Variants in MYO5B observed in about 807,000 individuals in gnomAD.
The protein encoded by MYO5B is unconventional myosin-Vb.
MYO5B carries 143 observed loss-of-function variants against 229.3 expected under a neutral mutation model. The ratio of observed to expected loss-of-function variants is 0.62; its 90% CI spans 0.54 to 0.72. The LOEUF (loss-of-function observed/expected upper bound fraction) is 0.72, where lower values mean the gene tolerates loss of function less well. Ranked by LOEUF, MYO5B falls within the 30% of genes least tolerant of loss-of-function variation. The pLI, the probability that MYO5B is intolerant of heterozygous loss-of-function variation, is 0.00. For missense variants in MYO5B, 2,321 were observed against 2,331.0 expected (o/e 1.00, Z 0.09); for synonymous variants, 918 against 885.2 (o/e 1.04, Z -0.66).
At chr18:50,152,816 G>T (rs906054311) in intron 1 of MYO5B, among the ~76,000 whole-genome samples, 1 of 138,530 alleles carries the variant, frequency 7.2e-6, no homozygotes, top group Non-Finnish European at 1.5e-5. Flanking sequence ...AACTATGATT[G>T]TATATTTTTT....
At chr18:50,049,024 G>GAAAAAA (rs33975553) in intron 2 of MYO5B, among the ~76,000 whole-genome samples, 1 of 126,602 alleles carries the variant, frequency 7.9e-6, no homozygotes, top group Non-Finnish European at 1.7e-5. Flanking sequence ...TCCATCTCAG[G>GAAAAAA]AAAAAAAAAA....
At chr18:50,166,072 A>G (rs1158593189) in intron 1 of MYO5B, among the ~76,000 whole-genome samples, 2 of 152,268 alleles carry the variant, frequency 1.3e-5, no homozygotes, top group East Asian at 3.9e-4. Context: ...TTTTTCAGCA[A>G]CCAGAAAAGT....
chr18:50,167,592 A>C (rs1164119181), intron 1 of MYO5B, among the ~76,000 whole-genome samples: 1 of 152,180 alleles, frequency 6.6e-6, no homozygotes, highest in African/African-American at 2.4e-5. Flanking sequence ...GACTCCATGA[A>C]AGGTCATGGA....
In MYO5B at chr18:49,980,557, G is replaced by C. The variant is rs1412751741; in HGVS notation, c.947-4C>G. ...ATCTGATGGGACTCTTTCACTCCTG[G>C]AAAAGAAAAATGAATGGATGACACT... On this transcript the variant is annotated splice_region_variant and splice_polypyrimidine_tract_variant and intron_variant, in intron 8 of 39. Coordinates refer to ENST00000285039, the MANE Select transcript of MYO5B (RefSeq NM_001080467.3). The C allele has an allele frequency of 2.5e-6, 4 of 1,592,108 alleles. No individual in the cohort carries two copies. The highest frequency in any genetic ancestry group is 1.3e-5 in the African/African-American group (1 of 74,382).
chr18:49,975,497 C>G lies in MYO5B; in HGVS notation c.1057-882G>C, dbSNP rs1437736336. On this transcript the variant is annotated intron_variant, in intron 9 of 39. Coordinates refer to ENST00000285039, the MANE Select transcript of MYO5B (RefSeq NM_001080467.3). ...TGCTTCCAAGCAGGCTCGCTTTCTT[C>G]TTAGCCTCATTGATGCTAAAATCAT... Among the ~76,000 whole-genome samples the G allele has an allele frequency of 2.6e-5, 4 of 152,168 alleles. 1 individual carries two copies. In the South Asian group the frequency reaches 8.3e-4, roughly 32 times the overall value.
chr18:50,091,872 G>A (rs947640512), intron 1 of MYO5B, among the ~76,000 whole-genome samples: 3 of 152,092 alleles, frequency 2.0e-5, no homozygotes, highest in Admixed American at 6.5e-5. Flanking sequence ...AATGGCACTA[G>A]AAAAGCCAAG....
In MYO5B at chr18:49,825,233, C is replaced by T. The variant is rs1167030727; in HGVS notation, c.*1238G>A. 2.0e-5 allele frequency: 3 copies of T among 151,918 alleles called. No homozygotes were observed. The highest frequency in any genetic ancestry group is 2.9e-5 in the Non-Finnish European group (2 of 67,988). The allele number at this position is 151,918 out of a possible 1,614,324, so 9.4% of individuals were successfully genotyped here. ...AATTGAATGCTTGCTTTTGAAGAAA[C>T]CAAAAACAAGTTAAAAAAAATTCTA... On this transcript the variant is annotated 3_prime_UTR_variant, in exon 40 of 40. Coordinates refer to ENST00000285039, the MANE Select transcript of MYO5B (RefSeq NM_001080467.3).
intron 1 of MYO5B, among the ~76,000 whole-genome samples, chr18:50,069,383 G>C (rs2030899534): frequency 6.6e-6 from 1 of 152,026 alleles, no homozygotes; most frequent in Non-Finnish European, 1.5e-5. Context: ...CTCACGGCAG[G>C]GACGTTAAGC....
intron 4 of MYO5B, among the ~76,000 whole-genome samples, chr18:50,019,979 C>G (rs2026257022): frequency 6.6e-6 from 1 of 152,082 alleles, no homozygotes; most frequent in African/African-American, 2.4e-5. Flanking sequence ...TTGATGAGTC[C>G]ACAAGCATTA....
At chr18:50,132,807 G>A (rs539336355) in intron 1 of MYO5B, among the ~76,000 whole-genome samples, 6 of 152,314 alleles carry the variant, frequency 3.9e-5, no homozygotes, top group South Asian at 4.1e-4. Context: ...TGGCTGAAGC[G>A]TGAAAGGCAG....
At chr18:50,000,068 T>C (rs2026029353) in intron 5 of MYO5B, among the ~76,000 whole-genome samples, 1 of 152,232 alleles carries the variant, frequency 6.6e-6, no homozygotes, top group African/African-American at 2.4e-5. Context: ...GTAACGCAAC[T>C]CTGAAGGCAG....
chr18:50,127,182 T>G (rs2032177613), intron 1 of MYO5B, among the ~76,000 whole-genome samples: 1 of 152,172 alleles, frequency 6.6e-6, no homozygotes, highest in Non-Finnish European at 1.5e-5. Context: ...CACCACACTG[T>G]GGCACTTACG....
chr18:50,192,559 T>C (rs2033242882), intron 1 of MYO5B, among the ~76,000 whole-genome samples: 4 of 152,208 alleles, frequency 2.6e-5, no homozygotes, highest in Admixed American at 2.6e-4. Flanking sequence ...GCCAAAGCTT[T>C]AGCAGAAAAA....
intron 1 of MYO5B, among the ~76,000 whole-genome samples, chr18:50,183,685 G>C (rs568145663): frequency 6.8e-6 from 1 of 147,732 alleles, no homozygotes; most frequent in East Asian, 2.2e-4. Flanking sequence ...CTGTGGTTTA[G>C]ATATGAATCA....
chr18:50,025,497 T>C (rs1437363220), intron 4 of MYO5B, among the ~76,000 whole-genome samples: 1 of 152,212 alleles, frequency 6.6e-6, no homozygotes, highest in Non-Finnish European at 1.5e-5. Context: ...CCTGTGATCA[T>C]TAAACTCTTT....
chr18:49,895,280 G>A, intron 21 of MYO5B, 106 bp from the exon 22 acceptor site: 1 of 919,282 alleles, frequency 1.1e-6, no homozygotes, highest in Non-Finnish European at 1.7e-6. Flanking sequence ...GAACTTCCAA[G>A]GTAGGATTAA....
At chr18:49,896,775 G>A (rs920274892) in intron 21 of MYO5B, among the ~76,000 whole-genome samples, 3 of 152,174 alleles carry the variant, frequency 2.0e-5, no homozygotes, top group Non-Finnish European at 2.9e-5. Flanking sequence ...TCTTGACACC[G>A]CCTGAGACCT....
chr18:49,849,294 C>T (rs1183095854), intron 32 of MYO5B, among the ~76,000 whole-genome samples: 2 of 152,202 alleles, frequency 1.3e-5, no homozygotes, highest in African/African-American at 4.8e-5. Context: ...CACCAGGTCA[C>T]CTCTGGGTTC....
chr18:49,931,946 A>G (rs1360567712), intron 16 of MYO5B, among the ~76,000 whole-genome samples: 1 of 152,188 alleles, frequency 6.6e-6, no homozygotes, highest in Non-Finnish European at 1.5e-5. Flanking sequence ...TCTGCTCAGC[A>G]TGACCACAGG....
Sources: allele counts gnomAD v4.1 joint callset (sites outside exome capture counted in the v4.1 genomes callset), GRCh38; gene constraint gnomAD v4.1.1; transcripts MANE v1.5; gene names NCBI Gene and HGNC (gene_info 2026-07-23, HGNC 2026-07-21).